SYNE2: variants seen among roughly 807,000 people sequenced by gnomAD.
SYNE2 encodes the protein spectrin repeat containing nuclear envelope protein 2.
SYNE2 carries 431 observed loss-of-function variants against 856.3 expected under a neutral mutation model. The ratio of observed to expected loss-of-function variants is 0.50; its 90% CI spans 0.47 to 0.55. SYNE2 has a LOEUF of 0.55. SYNE2 is among the 20% of genes least tolerant of loss of function. The probability of loss-of-function intolerance (pLI) is 0.00; values close to 1 mark genes in which losing one functional copy is unlikely to be tolerated. For synonymous variants in SYNE2, 2,923 were observed against 2,872.3 expected, an observed-to-expected ratio of 1.02 and a Z score of -0.56; for missense variants, 8,129 against 8,023.2, an observed-to-expected ratio of 1.01 and a Z score of -0.50.
intron 45 of SYNE2, among the ~76,000 whole-genome samples, chr14:64,046,282 A>AT (rs2097185770): frequency 6.6e-6 from 1 of 152,236 alleles, no homozygotes; most frequent in African/African-American, 2.4e-5. Flanking sequence ...TACCTCGTAT[A>AT]TAACTTGTTC....
Position 63,924,386 on chromosome 14 carries a change from C to G in SYNE2, c.79+15159C>G, listed in dbSNP as rs77691248. ...AATTTTAGGATTAGCTTGTCCAATT[C>G]TGAAAAAAAAAATGGCAGCTAAGAT... On this transcript the variant is annotated intron_variant, in intron 2 of 115. Coordinates refer to ENST00000555002, the MANE Select transcript of SYNE2 (RefSeq NM_182914.3). Among the ~76,000 whole-genome samples, 424 of 151,192 alleles carry G rather than the reference C, an allele frequency of 2.8e-3. 3 individuals are homozygous for G. The East Asian group carries it at 0.039, about 14-fold the overall frequency.
chr14:63,814,757 TATATATATCCATATATATATCC>T (rs1347458169), intron 1 of SYNE2, among the ~76,000 whole-genome samples: 21 of 88,802 alleles, frequency 2.4e-4, no homozygotes, highest in South Asian at 1.1e-3. Context: ...TATATATCCA[TATATATATCCATATATATATCC>T]ATATATATCC....
intron 2 of SYNE2, among the ~76,000 whole-genome samples, chr14:63,913,708 C>T (rs2095500841): frequency 6.6e-6 from 1 of 151,646 alleles, no homozygotes; most frequent in Non-Finnish European, 1.5e-5. Context: ...AGTGATTTGC[C>T]TGCCTTGGCT....
chr14:63,773,545 CTTTG>C (rs1398556697), intron 1 of SYNE2, among the ~76,000 whole-genome samples: 2 of 152,174 alleles, frequency 1.3e-5, no homozygotes, highest in South Asian at 2.1e-4. Context: ...TAAGTTTTTT[CTTTG>C]TTTGTTTTTA....
intron 1 of SYNE2, among the ~76,000 whole-genome samples, chr14:63,845,107 C>T (rs933569603): frequency 3.3e-5 from 5 of 152,014 alleles, no homozygotes; most frequent in Non-Finnish European, 7.4e-5. Context: ...ATTGCAAGTT[C>T]CATTAAATCT....
chr14:63,887,973 G>A (rs2095037101), intron 1 of SYNE2, among the ~76,000 whole-genome samples: 1 of 151,666 alleles, frequency 6.6e-6, no homozygotes, highest in Non-Finnish European at 1.5e-5. Context: ...GGCTTGTCTT[G>A]GGTTCTTGAC....
intron 1 of SYNE2, among the ~76,000 whole-genome samples, chr14:63,801,165 T>C (rs1196160613): frequency 6.6e-6 from 1 of 151,934 alleles, no homozygotes; most frequent in Non-Finnish European, 1.5e-5. Flanking sequence ...TCTTGCAGAG[T>C]GCCTGCCAGA....
chr14:64,196,499 C>T (rs574101884), intron 99 of SYNE2, among the ~76,000 whole-genome samples: 1 of 152,118 alleles, frequency 6.6e-6, no homozygotes, highest in Non-Finnish European at 1.5e-5. Flanking sequence ...AATGACCCTC[C>T]TAAACCAGGA....
At chr14:64,013,577 G>A (rs1031158651) in intron 32 of SYNE2, among the ~76,000 whole-genome samples, 2 of 152,026 alleles carry the variant, frequency 1.3e-5, no homozygotes, top group Non-Finnish European at 2.9e-5. Flanking sequence ...GAGACCATGC[G>A]GCATTTGACT....
At chr14:64,064,514 C>A (rs2097342449) in intron 50 of SYNE2, among the ~76,000 whole-genome samples, 1 of 150,580 alleles carries the variant, frequency 6.6e-6, no homozygotes, top group African/African-American at 2.4e-5. Context: ...AGGAGAAACC[C>A]AGATAATGAG....
In SYNE2 at chr14:64,109,671, A is replaced by C. The variant is rs186379079; in HGVS notation, c.12609+2064A>C. Among the ~76,000 whole-genome samples, 31 of 152,338 alleles carry C rather than the reference A, an allele frequency of 2.0e-4. No homozygotes were observed. The East Asian group carries it at 4.8e-3, about 24-fold the overall frequency. On this transcript the variant is annotated intron_variant, in intron 65 of 115. Coordinates refer to ENST00000555002, the MANE Select transcript of SYNE2 (RefSeq NM_182914.3). ...AAAAATAGATGTTACCCTTTACTAC[A>C]GGAGGAATTTGTCCACTTCTGATTA...
chr14:64,151,583 A>T (rs2098244837), intron 84 of SYNE2, among the ~76,000 whole-genome samples: 1 of 150,722 alleles, frequency 6.6e-6, no homozygotes, highest in Non-Finnish European at 1.5e-5. Context: ...AAAAGCTGGG[A>T]TCCTTATGCA....
At chr14:63,982,536 A>G (rs2096594140) in intron 16 of SYNE2, 94 bp from the exon 17 acceptor site, 1 of 758,368 alleles carries the variant, frequency 1.3e-6, no homozygotes, top group East Asian at 4.7e-5. Context: ...AAAAAAAAAA[A>G]AGAAAAGAAA....
chr14:64,031,161 T>G lies in SYNE2; in HGVS notation c.7025T>G (p.Leu2342Trp), dbSNP rs2097031232. ...IKSLQCKQKD[L>W]ENRLASAKQE... ...TCACTTCAGTGTAAACAAAAAGATT[T>G]GGAAAACAGGCTTGCATCTGCTAAG... The change falls in exon 45 of 116, where the codon TTG becomes TGG. Residue 2342 changes from leucine (L) to tryptophan (W), a missense_variant. Transcript: ENST00000555002. 2 of 1,614,096 alleles carry G rather than the reference T, an allele frequency of 1.2e-6. No individual in the cohort carries two copies. The highest frequency in any genetic ancestry group is 1.1e-5 in the South Asian group (1 of 91,088).
intron 98 of SYNE2, among the ~76,000 whole-genome samples, chr14:64,189,212 T>C (rs1274156246): frequency 6.6e-6 from 1 of 152,040 alleles, no homozygotes; most frequent in Admixed American, 6.5e-5. Flanking sequence ...TGGGCACCTG[T>C]AATCCCAGCT....
At chr14:64,086,081 C>G (rs1017259550) in intron 57 of SYNE2, among the ~76,000 whole-genome samples, 7 of 152,110 alleles carry the variant, frequency 4.6e-5, no homozygotes, top group Non-Finnish European at 1.0e-4. Flanking sequence ...AAATCCTTAC[C>G]TAACCCAGGG....
At chr14:63,863,470 G>C (rs1358367538) in intron 1 of SYNE2, among the ~76,000 whole-genome samples, 1 of 152,066 alleles carries the variant, frequency 6.6e-6, no homozygotes, top group Non-Finnish European at 1.5e-5. Flanking sequence ...ATGAATTAAT[G>C]GGTCATAACA....
At chr14:64,089,195 G>A (rs1451564299) in intron 58 of SYNE2, among the ~76,000 whole-genome samples, 2 of 151,666 alleles carry the variant, frequency 1.3e-5, no homozygotes, top group Admixed American at 6.6e-5. Context: ...GCGAAACTCC[G>A]TCTCTACTAA....
intron 99 of SYNE2, chr14:64,202,151 C>T (rs917823507): frequency 8.6e-6 from 6 of 701,732 alleles, no homozygotes; most frequent in Non-Finnish European, 1.6e-5. Flanking sequence ...TAGAACTGCG[C>T]TTGCGTGCAG....
Sources: gnomAD v4.1 joint callset for allele counts (sites outside exome capture counted in the v4.1 genomes callset) on GRCh38, gnomAD v4.1.1 for gene constraint, MANE v1.5 for transcripts, NCBI Gene and HGNC (gene_info 2026-07-23, HGNC 2026-07-21) for gene names.